Variants in PRELID2 observed in about 807,000 individuals in gnomAD.
The protein encoded by PRELID2 is PRELI domain containing 2.
A neutral mutation model predicts 28.4 loss-of-function variants in PRELID2; 25 were observed. That is an observed-to-expected ratio of 0.88 (90% CI 0.64 to 1.23). The LOEUF is 1.23. Ranked by LOEUF, PRELID2 falls within the 50% of genes most tolerant of loss-of-function variation. The pLI, the probability that PRELID2 is intolerant of heterozygous loss-of-function variation, is 0.00. For synonymous variants in PRELID2, 76 were observed against 71.6 expected, an observed-to-expected ratio of 1.06 and a Z score of -0.31; for missense variants, 201 against 214.4, an observed-to-expected ratio of 0.94 and a Z score of 0.39.
the PRELID2 span, among the ~76,000 whole-genome samples, chr5:145,400,006 C>A: frequency 6.6e-6 from 1 of 152,122 alleles, no homozygotes; most frequent in Admixed American, 6.6e-5. Flanking sequence ...TGGATGGGGA[C>A]ACAGCCAAAC....
chr5:145,822,476 A>G (rs1754897352), intron 2 of PRELID2, among the ~76,000 whole-genome samples: 1 of 152,234 alleles, frequency 6.6e-6, no homozygotes, highest in South Asian at 2.1e-4. Context: ...TTTATTTACT[A>G]AAACAGGCAG....
At chr5:145,554,371 G>A (rs1469588018) in intron 1 of PRELID2, among the ~76,000 whole-genome samples, 5 of 151,970 alleles carry the variant, frequency 3.3e-5, no homozygotes, top group Admixed American at 6.6e-5. Flanking sequence ...AGAAATTAAG[G>A]GTTTACAGAG....
chr5:145,303,198 A>G, the PRELID2 span, among the ~76,000 whole-genome samples: 1 of 152,208 alleles, frequency 6.6e-6, no homozygotes, highest in East Asian at 1.9e-4. Context: ...TAGGAGAGTG[A>G]TAAAATGTTA....
chr5:145,559,682 T>G (rs1020433662), intron 1 of PRELID2, among the ~76,000 whole-genome samples: 2 of 152,138 alleles, frequency 1.3e-5, no homozygotes, highest in African/African-American at 4.8e-5. Context: ...TTGTCTTTCT[T>G]AGCCTATCTT....
intron 1 of PRELID2, among the ~76,000 whole-genome samples, chr5:145,677,507 G>T (rs1754844331): frequency 6.6e-6 from 1 of 152,062 alleles, no homozygotes; most frequent in Non-Finnish European, 1.5e-5. Flanking sequence ...ATTAATGGAA[G>T]AAATGATATC....
In PRELID2 at chr5:145,688,267, T is replaced by C. The variant is rs558934091; in HGVS notation, n.70+76664A>G. On this transcript the variant is annotated intron_variant and non_coding_transcript_variant, in intron 1 of 2. Transcript: ENST00000510259. ...TGTTTGTTGCCCTCCAGTCTGACTTTGGCAATTTTCACAACATTAACTTGT... is the reference window on the plus strand; with the variant it reads ...TGTTTGTTGCCCTCCAGTCTGACTTCGGCAATTTTCACAACATTAACTTGT... Among the ~76,000 whole-genome samples the C allele has an allele frequency of 2.6e-5, 4 of 152,324 alleles. No individual in the cohort carries two copies. In the East Asian group the frequency reaches 7.7e-4, roughly 29 times the overall value.
At chr5:145,330,359 T>A in the PRELID2 span, among the ~76,000 whole-genome samples, 2 of 152,320 alleles carry the variant, frequency 1.3e-5, no homozygotes, top group Middle Eastern at 6.8e-3. Flanking sequence ...TACCAGCTCC[T>A]CTTTGTACCT....
chr5:145,540,141 T>C lies in PRELID2; in HGVS notation n.71-66826A>G, dbSNP rs1164366319. Among the ~76,000 whole-genome samples the C allele has an allele frequency of 3.9e-5, 6 of 152,006 alleles. No individual in the cohort carries two copies. The East Asian group carries it at 1.2e-3, about 29-fold the overall frequency. On this transcript the variant is annotated intron_variant and non_coding_transcript_variant, in intron 1 of 2. Transcript: ENST00000510259. ...TCAACCCTAACCCTTCTAACCTGTT[T>C]GTATGTATTCTATTTGCAATTGTTG...
At chr5:145,466,766 A>G in the PRELID2 span, among the ~76,000 whole-genome samples, 1 of 152,066 alleles carries the variant, frequency 6.6e-6, no homozygotes, top group Admixed American at 6.6e-5. Flanking sequence ...CACTAAAATA[A>G]TGAAGTCCAA....
chr5:145,312,504 C>CTA, the PRELID2 span, among the ~76,000 whole-genome samples: 2 of 152,192 alleles, frequency 1.3e-5, no homozygotes, highest in East Asian at 3.9e-4. Context: ...TCCCCATTCT[C>CTA]TATCTCCTTT....
At chr5:145,742,327 TA>T (rs1187373397) in intron 1 of PRELID2, among the ~76,000 whole-genome samples, 87 of 8,528 alleles carry the variant, frequency 0.01, no homozygotes, top group African/African-American at 0.013. Context: ...AAAATAGATA[TA>T]TTTTTTTTTT....
chr5:145,468,513 T>C (rs962224509), downstream of PRELID2, among the ~76,000 whole-genome samples: 1 of 152,130 alleles, frequency 6.6e-6, no homozygotes, highest in Non-Finnish European at 1.5e-5. Context: ...CAATGGTTGA[T>C]CTAATTTACA....
chr5:145,231,288 C>G, the PRELID2 span, among the ~76,000 whole-genome samples: 2 of 151,586 alleles, frequency 1.3e-5, no homozygotes, highest in African/African-American at 4.9e-5. Context: ...TTTGGGGGAA[C>G]AGGTGGTATT....
At chr5:145,743,528 C>T (rs1037028868) in intron 1 of PRELID2, among the ~76,000 whole-genome samples, 1 of 151,968 alleles carries the variant, frequency 6.6e-6, no homozygotes, top group African/African-American at 2.4e-5. Flanking sequence ...GACTAGGAGG[C>T]TGGCAGGATC....
chr5:145,245,626 G>A, the PRELID2 span, among the ~76,000 whole-genome samples: 5 of 152,154 alleles, frequency 3.3e-5, no homozygotes, highest in African/African-American at 1.2e-4. Context: ...ATTCTTCTCC[G>A]CTGCCCTGAA....
At chr5:145,729,367 T>C (rs1756268583) in intron 1 of PRELID2, 1 of 569,012 alleles carries the variant, frequency 1.8e-6, no homozygotes, top group Non-Finnish European at 2.9e-6. Context: ...TCATTAAATC[T>C]GTTTTTCTCT....
intron 1 of PRELID2, among the ~76,000 whole-genome samples, chr5:145,569,657 C>A (rs1029039153): frequency 6.6e-6 from 1 of 152,160 alleles, no homozygotes; most frequent in South Asian, 2.1e-4. Flanking sequence ...CAATTGTTTT[C>A]ATTGCTCAGG....
intron 1 of PRELID2, chr5:145,703,882 C>T (rs1443843541): frequency 6.6e-6 from 1 of 152,170 alleles, no homozygotes; most frequent in Non-Finnish European, 1.5e-5. Context: ...AATCACAAGA[C>T]TCATTTTACT....
At chr5:145,689,837 A>G (rs1325140211) in intron 1 of PRELID2, among the ~76,000 whole-genome samples, 1 of 152,126 alleles carries the variant, frequency 6.6e-6, no homozygotes, top group African/African-American at 2.4e-5. Context: ...GCAAAGGACA[A>G]TTTATCCTCA....
Sources: gnomAD v4.1 joint callset for allele counts (sites outside exome capture counted in the v4.1 genomes callset) on GRCh38, gnomAD v4.1.1 for gene constraint, MANE v1.5 for transcripts, NCBI Gene and HGNC (gene_info 2026-07-23, HGNC 2026-07-21) for gene names.